The following CDKAL1 variants were observed in gnomAD, a reference collection of about 807,000 sequenced individuals.
CDKAL1 encodes the protein CDKAL1 threonylcarbamoyladenosine tRNA methylthiotransferase, also known as threonylcarbamoyladenosine tRNA methylthiotransferase.
In CDKAL1, 32 loss-of-function variants were observed where a neutral mutation model predicts 68.2. The ratio of observed to expected loss-of-function variants is 0.47; its 90% confidence interval spans 0.35 to 0.63. The LOEUF is 0.63. CDKAL1 is among the 30% of genes least tolerant of loss of function. CDKAL1 has a pLI of 0.00. For missense variants in CDKAL1, 606 were observed against 696.7 expected, an observed-to-expected ratio of 0.87 and a Z score of 1.47; for synonymous variants, 234 against 244.3, an observed-to-expected ratio of 0.96 and a Z score of 0.39.
chr6:20,833,099 G>T (rs529858107), intron 8 of CDKAL1, among the ~76,000 whole-genome samples: 1 of 152,150 alleles, frequency 6.6e-6, no homozygotes. Context: ...ATTGGCTTAG[G>T]TCTGAGTTCC....
chr6:20,780,099 T>TAAAAAAAAAAAAAAA (rs745598145), intron 7 of CDKAL1, among the ~76,000 whole-genome samples: 3 of 89,178 alleles, frequency 3.4e-5, no homozygotes, highest in Non-Finnish European at 4.7e-5. Context: ...AACCTAACCT[T>TAAAAAAAAAAAAAAA]AAAAAAAAAA....
At chr6:20,970,992 G>T (rs1410588415) in intron 10 of CDKAL1, among the ~76,000 whole-genome samples, 1 of 152,098 alleles carries the variant, frequency 6.6e-6, no homozygotes, top group African/African-American at 2.4e-5. Flanking sequence ...GGGACTACAG[G>T]CACGTGCCAC....
At chr6:21,206,761 G>A (rs544545228) in intron 15 of CDKAL1, among the ~76,000 whole-genome samples, 38 of 152,184 alleles carry the variant, frequency 2.5e-4, no homozygotes, top group Non-Finnish European at 4.9e-4. Flanking sequence ...GTCTTCATTT[G>A]TATAATGGAG....
chr6:21,001,918 G>A (rs1166142539), intron 11 of CDKAL1, among the ~76,000 whole-genome samples: 5 of 152,150 alleles, frequency 3.3e-5, no homozygotes, highest in Non-Finnish European at 1.5e-5. Context: ...CATGCATCCC[G>A]GGTGCAGAAT....
intron 8 of CDKAL1, among the ~76,000 whole-genome samples, chr6:20,830,892 A>AT (rs1294876966): frequency 3.3e-5 from 5 of 151,852 alleles, no homozygotes; most frequent in African/African-American, 1.2e-4. Flanking sequence ...TAAAATGAAA[A>AT]GGTTGAACTA....
At chr6:20,796,944 A>T (rs1776133573) in intron 8 of CDKAL1, among the ~76,000 whole-genome samples, 1 of 152,222 alleles carries the variant, frequency 6.6e-6, no homozygotes, top group African/African-American at 2.4e-5. Context: ...AATAAAACAT[A>T]GGAGAAGGTT....
intron 4 of CDKAL1, among the ~76,000 whole-genome samples, chr6:20,595,861 G>C (rs1427764403): frequency 6.6e-6 from 1 of 152,110 alleles, no homozygotes; most frequent in Non-Finnish European, 1.5e-5. Context: ...TCTCTGAGTG[G>C]ACGTCCTTTT....
Position 20,690,192 on chromosome 6 carries a change from G to A in CDKAL1, c.371+40815G>A, listed in dbSNP as rs745856791. On this transcript the variant is annotated intron_variant, in intron 5 of 15. Transcript: ENST00000274695. The stretch of plus-strand genomic sequence containing the variant: ...TTAAAAAACACATGTGTTTAATGAG[G>A]TAATTTTTTAAATGGCTATGTAATA... Among the ~76,000 whole-genome samples the A allele has an allele frequency of 3.9e-5, 6 of 151,978 alleles. No individual in the cohort carries two copies. In the South Asian group the frequency reaches 1.2e-3, roughly 32 times the overall value.
At chr6:20,583,784 G>GCCCC (rs11448102) in intron 4 of CDKAL1, among the ~76,000 whole-genome samples, 46 of 147,508 alleles carry the variant, frequency 3.1e-4, no homozygotes, top group African/African-American at 1.1e-3. Flanking sequence ...TAGTAAAAGC[G>GCCCC]CCCCCCCCCA....
chr6:21,077,084 C>T (rs1391898986), intron 12 of CDKAL1, among the ~76,000 whole-genome samples: 1 of 152,060 alleles, frequency 6.6e-6, no homozygotes, highest in African/African-American at 2.4e-5. Context: ...CTTGAAATGC[C>T]TAATAATCTT....
At chr6:20,831,710 A>G (rs747944425) in intron 8 of CDKAL1, among the ~76,000 whole-genome samples, 14 of 152,172 alleles carry the variant, frequency 9.2e-5, no homozygotes, top group Non-Finnish European at 1.9e-4. Context: ...GCACATCACA[A>G]TCTGATCAAG....
At chr6:20,582,238 G>T (rs1324489153) in intron 4 of CDKAL1, among the ~76,000 whole-genome samples, 1 of 151,978 alleles carries the variant, frequency 6.6e-6, no homozygotes, top group Non-Finnish European at 1.5e-5. Flanking sequence ...TTTGATTCTT[G>T]TCTTTATTTT....
At chr6:20,807,848 GT>G (rs970583825) in intron 8 of CDKAL1, among the ~76,000 whole-genome samples, 1 of 152,142 alleles carries the variant, frequency 6.6e-6, no homozygotes, top group Non-Finnish European at 1.5e-5. Context: ...TACAGCAACA[GT>G]TTTTTGGACT....
intron 13 of CDKAL1, among the ~76,000 whole-genome samples, chr6:21,170,840 A>C (rs1354302069): frequency 6.6e-6 from 1 of 152,198 alleles, no homozygotes; most frequent in Non-Finnish European, 1.5e-5. Context: ...TTTAGTTGGT[A>C]CTGTTAGGCT....
chr6:20,817,686 A>G (rs1047804205), intron 8 of CDKAL1, among the ~76,000 whole-genome samples: 22 of 152,196 alleles, frequency 1.4e-4, no homozygotes, highest in African/African-American at 5.1e-4. Flanking sequence ...TTAAAAAACT[A>G]TCTGAAAAGA....
chr6:20,848,713 T>A (rs1758834208), intron 9 of CDKAL1, among the ~76,000 whole-genome samples: 1 of 152,202 alleles, frequency 6.6e-6, no homozygotes, highest in East Asian at 1.9e-4. Flanking sequence ...AACTAAATGC[T>A]AGTTTTTGGA....
chr6:20,936,241 ATTTTTTTT>A (rs33911838), intron 9 of CDKAL1, among the ~76,000 whole-genome samples: 3 of 68,800 alleles, frequency 4.4e-5, no homozygotes, highest in African/African-American at 6.1e-5. Context: ...GTGTCTCATA[ATTTTTTTT>A]TTTTTTTTTT....
intron 11 of CDKAL1, among the ~76,000 whole-genome samples, chr6:21,032,871 T>C (rs1022629918): frequency 6.6e-6 from 1 of 152,222 alleles, no homozygotes; most frequent in Non-Finnish European, 1.5e-5. Context: ...GATGCATGAC[T>C]GTATTTCAAA....
intron 9 of CDKAL1, among the ~76,000 whole-genome samples, chr6:20,927,911 A>C (rs1210075858): frequency 6.6e-6 from 1 of 152,162 alleles, no homozygotes; most frequent in African/African-American, 2.4e-5. Context: ...AGATTATTAG[A>C]CTGTATAATT....
Sources: allele counts gnomAD v4.1 joint callset (sites outside exome capture counted in the v4.1 genomes callset), GRCh38; gene constraint gnomAD v4.1.1; transcripts MANE v1.5; gene names NCBI Gene and HGNC (gene_info 2026-07-23, HGNC 2026-07-21).